The following TRPM3 variants were observed in gnomAD, a reference collection of about 807,000 sequenced individuals.
The protein encoded by TRPM3 is transient receptor potential cation channel subfamily M member 3.
A neutral mutation model predicts 181.2 loss-of-function variants in TRPM3; 77 were observed. The observed-to-expected ratio is 0.42, with a 90% CI of 0.35 to 0.51. The LOEUF (loss-of-function observed/expected upper bound fraction) is 0.51. Ranked by LOEUF, TRPM3 falls within the 20% of genes least tolerant of loss-of-function variation. The pLI is 0.01. For synonymous variants in TRPM3, 745 were observed against 796.4 expected (o/e 0.94, Z 1.09); for missense variants, 1,759 against 2,196.7 (o/e 0.80, Z 3.98).
chr9:71,384,701 C>G (rs1484783890), intron 1 of TRPM3, among the ~76,000 whole-genome samples: 1 of 152,204 alleles, frequency 6.6e-6, no homozygotes, highest in African/African-American at 2.4e-5. Context: ...GAAAGAAAAG[C>G]ATAACTCTTG....
rs1283597252 is a variant in TRPM3, at chr9:71,271,616, A to AAAG, written c.183+175034_183+175036dup. ...AGGGGCTCTCAGTTAACCTTCAGCA[A>AAAG]AAGAAGAAGAAGAAAAAAAAAAAGC... On this transcript the variant is annotated intron_variant, in intron 1 of 24. Transcript: ENST00000357533. Among the ~76,000 whole-genome samples the AAAG allele has an allele frequency of 3.9e-5, 6 of 151,910 alleles. 1 individual carries two copies. Among genetic ancestry groups the AAAG allele is most frequent in the Admixed American group, 3.3e-4 (5 of 15,256 alleles).
At chr9:71,057,877 A>C (rs2060850630) in intron 1 of TRPM3, among the ~76,000 whole-genome samples, 1 of 152,110 alleles carries the variant, frequency 6.6e-6, no homozygotes, top group Admixed American at 6.6e-5. Context: ...AGCAATAGGC[A>C]GTTACATGTC....
intron 1 of TRPM3, among the ~76,000 whole-genome samples, chr9:71,428,258 T>A (rs1184768942): frequency 6.7e-6 from 1 of 149,298 alleles, no homozygotes; most frequent in African/African-American, 2.4e-5. Context: ...TGCCCGGCTT[T>A]TTTTTTTTTT....
At chr9:71,201,803 T>C (rs1472839788) in intron 1 of TRPM3, among the ~76,000 whole-genome samples, 2 of 152,244 alleles carry the variant, frequency 1.3e-5, no homozygotes, top group Non-Finnish European at 2.9e-5. Context: ...AATAGTTTGA[T>C]TGTCTGAAGC....
chr9:71,367,366 T>A, intron 1 of TRPM3, among the ~76,000 whole-genome samples: 1 of 152,172 alleles, frequency 6.6e-6, no homozygotes, highest in East Asian at 1.9e-4. Context: ...AGACTATTAA[T>A]CTTCAGGAGA....
At chr9:71,238,019 G>A (rs2081462598) in intron 1 of TRPM3, among the ~76,000 whole-genome samples, 1 of 152,130 alleles carries the variant, frequency 6.6e-6, no homozygotes, top group Non-Finnish European at 1.5e-5. Flanking sequence ...TCTAACTACG[G>A]CAGAGGGTAC....
intron 1 of TRPM3, among the ~76,000 whole-genome samples, chr9:71,431,130 T>C (rs996988044): frequency 1.1e-4 from 16 of 149,768 alleles, no homozygotes; most frequent in Non-Finnish European, 1.8e-4. Flanking sequence ...AAACTCCTAA[T>C]GAAGACACTT....
chr9:70,977,294 C>T (rs754933805), intron 1 of TRPM3, among the ~76,000 whole-genome samples: 1 of 152,150 alleles, frequency 6.6e-6, no homozygotes, highest in Non-Finnish European at 1.5e-5. Flanking sequence ...GCCACCATGC[C>T]CGGCTAATTT....
chr9:70,988,183 G>A (rs1055296842), intron 1 of TRPM3, among the ~76,000 whole-genome samples: 1 of 152,120 alleles, frequency 6.6e-6, no homozygotes, highest in Admixed American at 6.5e-5. Flanking sequence ...TGAGATTTCA[G>A]GCTGTGGTCT....
intron 1 of TRPM3, among the ~76,000 whole-genome samples, chr9:71,255,033 T>C (rs2082587081): frequency 6.6e-6 from 1 of 152,200 alleles, no homozygotes; most frequent in Admixed American, 6.5e-5. Flanking sequence ...GGAGCCATTT[T>C]CTTCTCTTAA....
At chr9:71,146,056 T>C (rs184030875) in intron 1 of TRPM3, among the ~76,000 whole-genome samples, 1 of 152,328 alleles carries the variant, frequency 6.6e-6, no homozygotes, top group East Asian at 1.9e-4. Flanking sequence ...TTCTACTGTT[T>C]AGATCAATTT....
At chr9:70,668,672 GA>G (rs57929544) in intron 9 of TRPM3, among the ~76,000 whole-genome samples, 3,588 of 86,498 alleles carry the variant, frequency 0.041, 18 homozygotes, top group African/African-American at 0.069. Context: ...CTCAAAAAAA[GA>G]AAAAAAAAAA....
chr9:71,343,748 C>G (rs2091112504), intron 1 of TRPM3, among the ~76,000 whole-genome samples: 1 of 152,028 alleles, frequency 6.6e-6, no homozygotes, highest in Non-Finnish European at 1.5e-5. Context: ...CATAGAATTT[C>G]CCATTAGAAG....
At chr9:71,419,209 T>C (rs1053311159) in intron 1 of TRPM3, among the ~76,000 whole-genome samples, 19 of 151,848 alleles carry the variant, frequency 1.3e-4, no homozygotes, top group Admixed American at 5.3e-4. Flanking sequence ...GGCCTTATTG[T>C]TAGGATTTAA....
At chr9:70,657,035 G>C (rs1210500321) in intron 9 of TRPM3, among the ~76,000 whole-genome samples, 1 of 151,476 alleles carries the variant, frequency 6.6e-6, no homozygotes, top group Non-Finnish European at 1.5e-5. Context: ...AAGAAAGAGG[G>C]ACGTTCAGGA....
At chr9:71,179,046 G>A (rs897600666) in intron 1 of TRPM3, among the ~76,000 whole-genome samples, 1 of 152,118 alleles carries the variant, frequency 6.6e-6, no homozygotes, top group African/African-American at 2.4e-5. Flanking sequence ...TGATGAACTT[G>A]ATTTATAGGG....
At chr9:70,978,490 TTC>T (rs1366371603) in intron 1 of TRPM3, among the ~76,000 whole-genome samples, 1 of 152,206 alleles carries the variant, frequency 6.6e-6, no homozygotes, top group African/African-American at 2.4e-5. Context: ...CTTACGCTCT[TTC>T]TCTTCCAGCA....
At chr9:71,328,091 A>C (rs940897620) in intron 1 of TRPM3, among the ~76,000 whole-genome samples, 8 of 151,348 alleles carry the variant, frequency 5.3e-5, no homozygotes, top group East Asian at 1.9e-4. Context: ...CAAAAAAAAA[A>C]CCCCAAGTGA....
chr9:71,337,607 G>A (rs2090651323), intron 1 of TRPM3, among the ~76,000 whole-genome samples: 9 of 151,996 alleles, frequency 5.9e-5, no homozygotes, highest in Admixed American at 5.9e-4. Context: ...ATAAATCATA[G>A]TTCTACTATA....
Sources: gnomAD v4.1 joint callset for allele counts (sites outside exome capture counted in the v4.1 genomes callset) on GRCh38, gnomAD v4.1.1 for gene constraint, MANE v1.5 for transcripts, NCBI Gene and HGNC (gene_info 2026-07-23, HGNC 2026-07-21) for gene names.